The following ATP11A variants were observed in gnomAD, a reference collection of about 807,000 sequenced individuals.
ATP11A encodes phospholipid-transporting ATPase IH.
A neutral mutation model predicts 154.4 loss-of-function variants in ATP11A; 81 were observed. The ratio of observed to expected loss-of-function variants is 0.52; its 90% CI spans 0.44 to 0.63. The LOEUF (loss-of-function observed/expected upper bound fraction) is 0.63, where lower values mean the gene tolerates loss of function less well. Ranked by LOEUF, ATP11A falls within the 30% of genes least tolerant of loss-of-function variation. ATP11A has a pLI of 0.00. For synonymous variants in ATP11A, 623 were observed against 585.9 expected (o/e 1.06, Z -0.91); for missense variants, 1,316 against 1,474.3 (o/e 0.89, Z 1.76).
intron 1 of ATP11A, among the ~76,000 whole-genome samples, chr13:112,739,398 G>A (rs1157688938): frequency 6.6e-6 from 1 of 152,186 alleles, no homozygotes; most frequent in Non-Finnish European, 1.5e-5. Flanking sequence ...ATTTACATTA[G>A]AGAAATGCAA....
intron 2 of ATP11A, among the ~76,000 whole-genome samples, chr13:112,788,690 C>G (rs2077735087): frequency 6.6e-6 from 1 of 151,826 alleles, no homozygotes; most frequent in South Asian, 2.1e-4. Flanking sequence ...GATGTGTAGA[C>G]CCCTGTGGAG....
chr13:112,820,275 C>T (rs1273469299), intron 8 of ATP11A, among the ~76,000 whole-genome samples: 2 of 152,194 alleles, frequency 1.3e-5, no homozygotes, highest in Non-Finnish European at 2.9e-5. Flanking sequence ...GGGAGAAATG[C>T]CCTTTCATGA....
At chr13:112,826,199 C>T (rs559097275) in intron 11 of ATP11A, among the ~76,000 whole-genome samples, 10 of 152,214 alleles carry the variant, frequency 6.6e-5, no homozygotes, top group Non-Finnish European at 1.0e-4. Context: ...GTGTCCCCTC[C>T]GTCCAGAGCG....
chr13:112,752,825 T>C (rs978895026), intron 1 of ATP11A, among the ~76,000 whole-genome samples: 3 of 152,186 alleles, frequency 2.0e-5, no homozygotes, highest in Admixed American at 6.5e-5. Flanking sequence ...GTTGTCAGTG[T>C]AGCATCGGGA....
intron 18 of ATP11A, chr13:112,851,477 A>G (rs1286856196): frequency 1.0e-5 from 4 of 382,288 alleles, no homozygotes; most frequent in East Asian, 4.0e-5. Context: ...TAGCTTTGTC[A>G]TATCATATTA....
chr13:112,810,319 A>G (rs2078453291), intron 4 of ATP11A, among the ~76,000 whole-genome samples: 1 of 152,234 alleles, frequency 6.6e-6, no homozygotes, highest in African/African-American at 2.4e-5. Context: ...AGTCCATGTC[A>G]TGAATAGGCA....
intron 1 of ATP11A, among the ~76,000 whole-genome samples, chr13:112,726,103 A>C (rs1005704104): frequency 6.6e-6 from 1 of 152,222 alleles, no homozygotes; most frequent in African/African-American, 2.4e-5. Context: ...CTCTGAAGGG[A>C]ATAGTGTGTG....
chr13:112,853,868 C>T (rs1055017651), intron 18 of ATP11A, among the ~76,000 whole-genome samples: 2 of 152,172 alleles, frequency 1.3e-5, no homozygotes, highest in Non-Finnish European at 2.9e-5. Context: ...AAACAAAAGA[C>T]AATCAATATT....
intron 1 of ATP11A, among the ~76,000 whole-genome samples, chr13:112,712,294 A>C (rs187756971): frequency 5.8e-4 from 89 of 152,302 alleles, no homozygotes; most frequent in Admixed American, 2.2e-3. Flanking sequence ...CCCCGCATAC[A>C]AAACGCTCCC....
In ATP11A at chr13:112,816,221, C is replaced by T. The variant is rs1364388317; in HGVS notation, c.570+10C>T. On this transcript the variant is annotated intron_variant, in intron 6 of 29. Transcript: ENST00000375645. ...AGAATCCAGCCATAAAGTAAGGGGC[C>T]TTTTCATTAGACTCCAGGGCAGGAT... The T allele has an allele frequency of 6.2e-7, 1 of 1,614,040 alleles. No individual in the cohort carries two copies. Among genetic ancestry groups the T allele is most frequent in the Non-Finnish European group, 8.5e-7 (1 of 1,179,996 alleles).
intron 14 of ATP11A, 51 bp from the exon 15 acceptor site, chr13:112,834,538 G>A (rs1734586054): frequency 2.5e-6 from 3 of 1,190,846 alleles, no homozygotes; most frequent in African/African-American, 3.0e-5. Context: ...CTCTATGAAA[G>A]AGGAACATCA....
At chr13:112,727,664 G>T (rs758417453) in intron 1 of ATP11A, among the ~76,000 whole-genome samples, 4 of 152,194 alleles carry the variant, frequency 2.6e-5, no homozygotes, top group East Asian at 3.9e-4. Context: ...TGCAGGGCCC[G>T]CACAGGCCCC....
At chr13:112,771,247 A>G (rs1157276305) in intron 1 of ATP11A, among the ~76,000 whole-genome samples, 2 of 152,196 alleles carry the variant, frequency 1.3e-5, no homozygotes, top group African/African-American at 4.8e-5. Flanking sequence ...TATTTTGGGT[A>G]ATCCAGCGAT....
intron 1 of ATP11A, among the ~76,000 whole-genome samples, chr13:112,718,277 A>AT (rs1003858569): frequency 6.6e-5 from 10 of 152,020 alleles, no homozygotes; most frequent in South Asian, 2.1e-4. Flanking sequence ...AAGCACCTGG[A>AT]TTTTTTTGAC....
Position 112,859,217 on chromosome 13 carries a change from G to T in ATP11A, c.2668-176G>T. ...CTGAGTGGCCAAAACGTGGTCACAT[G>T]TGCATTTCAGTTGCCCCTGAAATAA... is the stretch of plus-strand genomic sequence containing the variant. On this transcript the variant is annotated intron_variant, in intron 22 of 29. Coordinates refer to ENST00000375645, the MANE Select transcript of ATP11A (RefSeq NM_015205.3). The surrounding 1 kb of genome is among the most constrained non-coding windows in gnomAD (Gnocchi z 4.3). 1.6e-6 allele frequency: 1 copy of T among 640,356 alleles called. No homozygotes were observed. The highest frequency in any genetic ancestry group is 2.9e-6 in the Non-Finnish European group (1 of 350,700). The allele number at this position is 640,356 out of a possible 1,614,324, so 39.7% of individuals were successfully genotyped here. A position where few individuals can be genotyped will look rare whatever the true frequency, so the allele number is the denominator to read the frequency against.
In ATP11A at chr13:112,851,220, T is replaced by A; in HGVS notation, c.1991+2T>A. The A allele has an allele frequency of 6.2e-7, 1 of 1,611,438 alleles. No homozygotes were observed. Among genetic ancestry groups the A allele is most frequent in the Non-Finnish European group, 8.5e-7 (1 of 1,178,626 alleles). ...TGGTGCTACAGCTGTTGAGGACCGGTAAAGTAAACGCATGCATCCCGTCCT... is the reference window on the plus strand; with the variant it reads ...TGGTGCTACAGCTGTTGAGGACCGGAAAAGTAAACGCATGCATCCCGTCCT... On this transcript the variant is annotated splice_donor_variant, in intron 18 of 29. Coordinates refer to ENST00000375645, the MANE Select transcript of ATP11A (RefSeq NM_015205.3). LOFTEE classifies it high-confidence loss of function.
At chr13:112,717,937 C>T (rs573503368) in intron 1 of ATP11A, among the ~76,000 whole-genome samples, 124 of 152,236 alleles carry the variant, frequency 8.1e-4, no homozygotes, top group Non-Finnish European at 1.5e-3. Context: ...ATTAGCTGAG[C>T]GTGGTGGTGC....
chr13:112,712,132 G>A (rs1566365717), intron 1 of ATP11A, among the ~76,000 whole-genome samples: 1 of 152,110 alleles, frequency 6.6e-6, no homozygotes, highest in African/African-American at 2.4e-5. Flanking sequence ...TGTTTTCCCC[G>A]TTCTCCCTCC....
intron 1 of ATP11A, among the ~76,000 whole-genome samples, chr13:112,739,441 G>A (rs932014115): frequency 3.3e-5 from 5 of 152,178 alleles, no homozygotes; most frequent in African/African-American, 1.2e-4. Context: ...CCACTAAGAG[G>A]GCTGTAATAA....
Sources: gnomAD v4.1 joint callset for allele counts (sites outside exome capture counted in the v4.1 genomes callset) on GRCh38, gnomAD v4.1.1 for gene constraint, Gnocchi (gnomAD v3.1) non-coding constraint, MANE v1.5 for transcripts, NCBI Gene and HGNC (gene_info 2026-07-23, HGNC 2026-07-21) for gene names.